The following SNRPN variants were observed in gnomAD, a reference collection of about 807,000 sequenced individuals.
SNRPN encodes the protein small nuclear ribonucleoprotein polypeptide N.
SNRPN carries 7 observed loss-of-function variants against 25.2 expected under a neutral mutation model. The ratio of observed to expected loss-of-function variants is 0.28; its 90% CI spans 0.16 to 0.52. The LOEUF (loss-of-function observed/expected upper bound fraction) is 0.52. Ranked by LOEUF, SNRPN falls within the 20% of genes least tolerant of loss-of-function variation. The pLI, the probability that SNRPN is intolerant of heterozygous loss-of-function variation, is 0.96. For missense variants in SNRPN, 196 were observed against 322.5 expected, an observed-to-expected ratio of 0.61 and a Z score of 3.00; for synonymous variants, 124 against 110.6, an observed-to-expected ratio of 1.12 and a Z score of -0.76.
intron 3 of SNRPN, among the ~76,000 whole-genome samples, chr15:24,940,795 G>T (rs1439675159): frequency 6.6e-6 from 1 of 151,848 alleles, no homozygotes; most frequent in Non-Finnish European, 1.5e-5. Flanking sequence ...AAAGAGGTGA[G>T]ATTTATTTTA....
intron 1 of SNRPN, among the ~76,000 whole-genome samples, chr15:24,877,348 G>A (rs1595626912): frequency 6.6e-6 from 1 of 152,064 alleles, no homozygotes; most frequent in South Asian, 2.1e-4. Flanking sequence ...CTAGCTTTAG[G>A]GAATGAAGAA....
At chr15:24,977,116 T>TAAA in intron 7 of SNRPN, 87 bp downstream of exon 7, 2 of 1,047,198 alleles carry the variant, frequency 1.9e-6, no homozygotes, top group Non-Finnish European at 1.3e-6. Flanking sequence ...AGTGTATGTG[T>TAAA]CATACAATGT....
At chr15:24,942,403 C>A (rs2061608028) in intron 3 of SNRPN, 2 of 152,336 alleles carry the variant, frequency 1.3e-5, no homozygotes, top group African/African-American at 4.8e-5. Context: ...GTAACTGAAT[C>A]TTCAAAAGGC....
intron 2 of SNRPN, among the ~76,000 whole-genome samples, chr15:24,904,658 A>T (rs2058682931): frequency 1.3e-5 from 2 of 149,198 alleles, no homozygotes; most frequent in Admixed American, 1.3e-4. Flanking sequence ...CCCTCTTGGG[A>T]AAAAGAAAAG....
chr15:24,847,459 G>A (rs1277095724), intron 2 of SNRPN, among the ~76,000 whole-genome samples: 1 of 152,088 alleles, frequency 6.6e-6, no homozygotes, highest in Non-Finnish European at 1.5e-5. Flanking sequence ...TGGGTAACAC[G>A]GTGAAACCCT....
At chr15:24,911,318 T>C (rs1412386774) in intron 2 of SNRPN, among the ~76,000 whole-genome samples, 1 of 152,308 alleles carries the variant, frequency 6.6e-6, no homozygotes, top group Non-Finnish European at 1.5e-5. Context: ...GAATGCCAGA[T>C]GCTATTCATT....
upstream of SNRPN, among the ~76,000 whole-genome samples, chr15:24,950,261 C>A (rs1359005016): frequency 6.6e-6 from 1 of 152,028 alleles, no homozygotes; most frequent in Non-Finnish European, 1.5e-5. Context: ...ACTGCAACCT[C>A]CGCCTCCTGG....
At chr15:24,827,844 G>A (rs936926511) in intron 1 of SNRPN, among the ~76,000 whole-genome samples, 1 of 147,374 alleles carries the variant, frequency 6.8e-6, no homozygotes, top group African/African-American at 2.5e-5. Flanking sequence ...TCCAGACTGG[G>A]TGACAAAGCG....
At chr15:24,895,400 A>AACACACAC (rs10558727) in intron 2 of SNRPN, among the ~76,000 whole-genome samples, 234 of 147,334 alleles carry the variant, frequency 1.6e-3, no homozygotes, top group Non-Finnish European at 2.7e-3. Flanking sequence ...AATACACCCA[A>AACACACAC]ACACACACAC....
At chr15:24,886,740 C>T (rs1347975467) in intron 2 of SNRPN, among the ~76,000 whole-genome samples, 3 of 152,020 alleles carry the variant, frequency 2.0e-5, no homozygotes, top group Admixed American at 1.3e-4. Context: ...TGTGACATGA[C>T]GTCGTTTATG....
intron 1 of SNRPN, among the ~76,000 whole-genome samples, chr15:24,874,309 C>CAAAAA (rs199834006): frequency 6.5e-4 from 40 of 61,374 alleles, no homozygotes; most frequent in South Asian, 1.6e-3. Flanking sequence ...GACTCTGTCT[C>CAAAAA]AAAAAAAAAA....
chr15:24,956,768 G>A (rs888720307), intron 1 of SNRPN, among the ~76,000 whole-genome samples: 3 of 152,144 alleles, frequency 2.0e-5, no homozygotes, highest in Admixed American at 6.5e-5. Context: ...CCTTACCCAC[G>A]GTGCAGCAGT....
intron 1 of SNRPN, among the ~76,000 whole-genome samples, chr15:24,866,017 G>C (rs1307797980): frequency 6.6e-6 from 1 of 152,000 alleles, no homozygotes. Context: ...CTGTTTTAAC[G>C]GTTTCTGCCT....
In SNRPN at chr15:24,909,296, C is replaced by T. The variant is rs561323852; in HGVS notation, c.-504-10715C>T. 21 of 1,603,098 alleles carry T rather than the reference C, an allele frequency of 1.3e-5. No individual in the cohort carries two copies. The African/African-American group carries it at 2.7e-4, about 20-fold the overall frequency. On this transcript the variant is annotated intron_variant, in intron 2 of 11. Coordinates refer to the SNRPN transcript ENST00000400097. The stretch of plus-strand genomic sequence containing the variant: ...ACCATAACCAGGGAATTGTTTGGTA[C>T]TGTGAGGGATAGACAAGCCTCCATC...
intron 2 of SNRPN, among the ~76,000 whole-genome samples, chr15:24,964,853 G>C (rs2075382681): frequency 6.6e-6 from 1 of 152,102 alleles, no homozygotes; most frequent in Non-Finnish European, 1.5e-5. Context: ...AGCCTTCTAG[G>C]CATCTTGTCC....
At chr15:24,953,895 A>G (rs1381248678), upstream of SNRPN, among the ~76,000 whole-genome samples, 5 of 152,214 alleles carry the variant, frequency 3.3e-5, no homozygotes, top group Non-Finnish European at 5.9e-5. Context: ...AGAAGTCAGC[A>G]TTGATAAGCC....
chr15:24,847,793 T>G (rs2052338858), intron 2 of SNRPN, among the ~76,000 whole-genome samples: 1 of 152,154 alleles, frequency 6.6e-6, no homozygotes, highest in Non-Finnish European at 1.5e-5. Flanking sequence ...TGCTAATTGA[T>G]TTACAAATAC....
At chr15:24,923,453 C>A (rs898571109) in intron 3 of SNRPN, among the ~76,000 whole-genome samples, 1 of 152,148 alleles carries the variant, frequency 6.6e-6, no homozygotes, top group Non-Finnish European at 1.5e-5. Flanking sequence ...ACCTTACACA[C>A]GCACCATCCA....
chr15:24,843,058 C>T (rs1315363934), intron 2 of SNRPN, among the ~76,000 whole-genome samples: 1 of 151,988 alleles, frequency 6.6e-6, no homozygotes, highest in East Asian at 1.9e-4. Flanking sequence ...AATGAATGTA[C>T]CACAATTTAC....
Sources: allele counts gnomAD v4.1 joint callset (sites outside exome capture counted in the v4.1 genomes callset), GRCh38; gene constraint gnomAD v4.1.1; transcripts MANE v1.5; gene names NCBI Gene and HGNC (gene_info 2026-07-23, HGNC 2026-07-21).